Variants in CACNB4 observed in about 807,000 individuals in gnomAD.
The protein encoded by CACNB4 is voltage-dependent L-type calcium channel subunit beta-4.
Under a neutral mutation model 71.2 loss-of-function variants are expected in CACNB4, and 32 were observed. The observed-to-expected ratio is 0.45, with a 90% confidence interval of 0.34 to 0.60. The LOEUF (loss-of-function observed/expected upper bound fraction) is 0.60, where lower values mean the gene tolerates loss of function less well. Ranked by LOEUF, CACNB4 falls within the 20% of genes least tolerant of loss-of-function variation. The probability of loss-of-function intolerance (pLI) is 0.01; values close to 1 mark genes in which losing one functional copy is unlikely to be tolerated. For synonymous variants in CACNB4, 231 were observed against 236.9 expected (o/e 0.97, Z 0.23); for missense variants, 464 against 647.9 (o/e 0.72, Z 3.08).
chr2:152,098,261 C>T lies in CACNB4; in HGVS notation c.147+69G>A, dbSNP rs1304562357. Reference sequence around the variant, plus strand: ...AGCTCCCGCACGTGTGGGCCACGGCCGGCTCCAGGACCCCCGCGCCGCGCG... The same window carrying T: ...AGCTCCCGCACGTGTGGGCCACGGCTGGCTCCAGGACCCCCGCGCCGCGCG... On this transcript the variant is annotated intron_variant, in intron 2 of 13. Transcript: ENST00000539935. This position sits in a 1 kb window ranked among gnomAD's most constrained non-coding sequence, Gnocchi z 5.3. 4 of 1,276,448 alleles carry T rather than the reference C, an allele frequency of 3.1e-6. No homozygotes were observed. The African/African-American group carries it at 4.4e-5, about 14-fold the overall frequency. The allele number at this position is 1,276,448 out of a possible 1,614,324, so 79.1% of individuals were successfully genotyped here.
chr2:152,028,429 G>A (rs1031890672), intron 2 of CACNB4, among the ~76,000 whole-genome samples: 6 of 152,162 alleles, frequency 3.9e-5, no homozygotes, highest in African/African-American at 1.2e-4. Flanking sequence ...GTGTGTAACA[G>A]CACAAGCCTA....
chr2:151,937,297 T>C (rs1332320081), intron 2 of CACNB4, among the ~76,000 whole-genome samples: 1 of 152,158 alleles, frequency 6.6e-6, no homozygotes, highest in Admixed American at 6.5e-5. Flanking sequence ...AGCTCTACCA[T>C]TGGTGAAGTA....
intron 2 of CACNB4, among the ~76,000 whole-genome samples, chr2:151,995,757 G>A (rs1344590607): frequency 1.3e-5 from 2 of 152,226 alleles, no homozygotes; most frequent in East Asian, 3.8e-4. Flanking sequence ...AGTCTGCAGA[G>A]CCTACCAACA....
chr2:151,839,002 C>A lies in CACNB4; in HGVS notation c.*117G>T. 2 of 848,286 alleles carry A rather than the reference C, an allele frequency of 2.4e-6. No homozygotes were observed. The highest frequency in any genetic ancestry group is 3.5e-6 in the Non-Finnish European group (2 of 564,122). 52.5% of individuals were successfully genotyped at this position (848,286 alleles called of 1,614,324 possible). A position where few individuals can be genotyped will look rare whatever the true frequency, so the allele number is the denominator to read the frequency against. ...TTGCCCCTTACTTAGCATAAAATGA[C>A]AGCAGCCCATTAGCACAGTAAATAC... On this transcript the variant is annotated 3_prime_UTR_variant, in exon 14 of 14. Transcript: ENST00000539935.
intron 2 of CACNB4, among the ~76,000 whole-genome samples, chr2:152,007,751 G>A (rs1275092725): frequency 6.6e-6 from 1 of 151,740 alleles, no homozygotes; most frequent in African/African-American, 2.4e-5. Context: ...TGGAATTGCT[G>A]GATCATATGG....
intron 2 of CACNB4, among the ~76,000 whole-genome samples, chr2:152,055,468 T>C (rs1250443814): frequency 5.9e-5 from 9 of 152,230 alleles, no homozygotes; most frequent in Non-Finnish European, 1.5e-5. Flanking sequence ...TTGTCAGTTG[T>C]AGGCATTGAT....
chr2:152,023,559 C>T (rs1356569968), intron 2 of CACNB4, among the ~76,000 whole-genome samples: 1 of 152,052 alleles, frequency 6.6e-6, no homozygotes, highest in East Asian at 1.9e-4. Context: ...CTCAGCCTCC[C>T]AAGTAGCTGG....
At chr2:151,860,404 G>A in intron 10 of CACNB4, 1 of 394,180 alleles carries the variant, frequency 2.5e-6, no homozygotes, top group South Asian at 2.9e-5. Context: ...CATTAGCCTT[G>A]TTGAGAAGCT....
chr2:152,003,629 A>G (rs1325922338), intron 2 of CACNB4, among the ~76,000 whole-genome samples: 1 of 152,050 alleles, frequency 6.6e-6, no homozygotes, highest in East Asian at 1.9e-4. Context: ...CTATTTTGGT[A>G]TGGGTTACCT....
At chr2:152,089,775 T>TA (rs201961333) in intron 2 of CACNB4, among the ~76,000 whole-genome samples, 2,520 of 140,412 alleles carry the variant, frequency 0.018, 61 homozygotes, top group African/African-American at 0.063. Flanking sequence ...CTACTAAAAG[T>TA]AAAAAAAAAG....
chr2:151,947,069 A>G (rs1014240733), intron 2 of CACNB4, among the ~76,000 whole-genome samples: 3 of 152,074 alleles, frequency 2.0e-5, no homozygotes, highest in African/African-American at 7.2e-5. Context: ...GGTCAATGTG[A>G]AAAAAAAGAG....
chr2:151,886,767 G>A (rs766418256), intron 2 of CACNB4, among the ~76,000 whole-genome samples: 1 of 152,090 alleles, frequency 6.6e-6, no homozygotes, highest in Non-Finnish European at 1.5e-5. Context: ...GTGGCCCATA[G>A]ACATGCTCTG....
chr2:151,982,477 C>CA (rs1330162905), intron 2 of CACNB4, among the ~76,000 whole-genome samples: 5 of 151,872 alleles, frequency 3.3e-5, no homozygotes, highest in Middle Eastern at 3.4e-3. Flanking sequence ...ACTAAAAATA[C>CA]AAAAAAATCA....
chr2:151,918,625 A>G (rs2099858151), intron 2 of CACNB4, among the ~76,000 whole-genome samples: 1 of 152,198 alleles, frequency 6.6e-6, no homozygotes, highest in Non-Finnish European at 1.5e-5. Context: ...AGCTTTATCT[A>G]CCAGAGCTGT....
chr2:151,869,864 C>T (rs2099844158), intron 8 of CACNB4: 4 of 289,278 alleles, frequency 1.4e-5, no homozygotes, highest in East Asian at 8.3e-5. Flanking sequence ...TGTCCTAGCT[C>T]GATGGGAATG....
chr2:151,890,587 A>T (rs1165216591), intron 2 of CACNB4, among the ~76,000 whole-genome samples: 2 of 152,192 alleles, frequency 1.3e-5, no homozygotes, highest in African/African-American at 4.8e-5. Flanking sequence ...AATTTCCCCT[A>T]TAAAATCTGG....
At chr2:151,901,075 C>A (rs748030813) in intron 2 of CACNB4, among the ~76,000 whole-genome samples, 32 of 149,224 alleles carry the variant, frequency 2.1e-4, no homozygotes, top group Admixed American at 4.7e-4. Context: ...CTCATTGCAG[C>A]CTTGACCTCC....
At chr2:151,958,096 T>C (rs1402883519) in intron 2 of CACNB4, among the ~76,000 whole-genome samples, 1 of 152,228 alleles carries the variant, frequency 6.6e-6, no homozygotes, top group Non-Finnish European at 1.5e-5. Flanking sequence ...ACTAGGGACC[T>C]GTTTTTTTCA....
At chr2:151,932,698 C>T (rs1357964817) in intron 2 of CACNB4, among the ~76,000 whole-genome samples, 1 of 151,780 alleles carries the variant, frequency 6.6e-6, no homozygotes, top group Non-Finnish European at 1.5e-5. Context: ...AGCGTGGTGG[C>T]GTGCAACTAT....
Sources: gnomAD v4.1 joint callset for allele counts (sites outside exome capture counted in the v4.1 genomes callset) on GRCh38, gnomAD v4.1.1 for gene constraint, Gnocchi (gnomAD v3.1) non-coding constraint, MANE v1.5 for transcripts, NCBI Gene and HGNC (gene_info 2026-07-23, HGNC 2026-07-21) for gene names.